Variants in MYBL1 observed in about 807,000 individuals in gnomAD.
MYBL1 encodes the protein myb-related protein A.
Under a neutral mutation model 96.3 loss-of-function variants are expected in MYBL1, and 17 were observed. The observed-to-expected ratio is 0.18, with a 90% CI of 0.12 to 0.26. The LOEUF (loss-of-function observed/expected upper bound fraction) is 0.26, where lower values mean the gene tolerates loss of function less well. Ranked by LOEUF, MYBL1 falls within the 10% of genes least tolerant of loss-of-function variation. The probability of loss-of-function intolerance (pLI) is 1.00; values close to 1 mark genes in which losing one functional copy is unlikely to be tolerated. For synonymous variants in MYBL1, 282 were observed against 292.7 expected, an observed-to-expected ratio of 0.96 and a Z score of 0.37; for missense variants, 701 against 882.9, an observed-to-expected ratio of 0.79 and a Z score of 2.61.
At chr8:66,581,927 T>C (rs1205754556) in intron 8 of MYBL1, among the ~76,000 whole-genome samples, 2 of 152,140 alleles carry the variant, frequency 1.3e-5, no homozygotes, top group Non-Finnish European at 2.9e-5. Context: ...TCATCACCAC[T>C]AGATCAGCCT....
rs1442266667 is a variant in MYBL1, at chr8:66,567,225, C to G, written c.1729-233G>C. On this transcript the variant is annotated intron_variant, in intron 12 of 15. Coordinates refer to ENST00000522677, the MANE Select transcript of MYBL1 (RefSeq NM_001080416.4). ...TCTAGGCTACTAAACAAAAATCTTC[C>G]TTTTGGGGAAACCACTGTAGCTCCT... Among the ~76,000 whole-genome samples, 8 of 152,248 alleles carry G rather than the reference C, an allele frequency of 5.3e-5. No individual in the cohort carries two copies. The South Asian group carries it at 1.4e-3, about 28-fold the overall frequency.
intron 3 of MYBL1, among the ~76,000 whole-genome samples, chr8:66,600,459 T>C (rs1054799045): frequency 1.1e-4 from 16 of 152,242 alleles, no homozygotes; most frequent in African/African-American, 3.4e-4. Context: ...TATGTCCTTG[T>C]AGCATTTCTG....
intron 12 of MYBL1, among the ~76,000 whole-genome samples, chr8:66,569,923 A>C (rs538489914): frequency 6.6e-6 from 1 of 152,348 alleles, no homozygotes; most frequent in Admixed American, 6.5e-5. Context: ...AAAGGGCAAC[A>C]GATATTTAAG....
intron 9 of MYBL1, among the ~76,000 whole-genome samples, chr8:66,577,030 C>A (rs552828071): frequency 6.6e-6 from 1 of 152,086 alleles, no homozygotes; most frequent in Non-Finnish European, 1.5e-5. Flanking sequence ...TTCAACAACC[C>A]TTCATGCTAA....
At chr8:66,605,677 A>G (rs916204551) in intron 1 of MYBL1, among the ~76,000 whole-genome samples, 5 of 152,006 alleles carry the variant, frequency 3.3e-5, no homozygotes, top group Non-Finnish European at 1.5e-5. Flanking sequence ...TTAGCGGAGC[A>G]TGATGGTGGG....
At chr8:66,573,852 G>T (rs533023372) in intron 10 of MYBL1, among the ~76,000 whole-genome samples, 37 of 152,272 alleles carry the variant, frequency 2.4e-4, no homozygotes, top group African/African-American at 8.9e-4. Flanking sequence ...TGTGTTAAAT[G>T]TAACAGTTTT....
At position 66,595,596 on chromosome 8, in the gene MYBL1, T is replaced by G. The variant is rs1809819328; in HGVS notation, c.674A>C (p.Tyr225Ser). 3 of 1,572,378 alleles carry G rather than the reference T, an allele frequency of 1.9e-6. No homozygotes were observed. Among genetic ancestry groups the G allele is most frequent in the Non-Finnish European group, 2.6e-6 (3 of 1,160,202 alleles). ...AAAAGTATGTGCCTGAACAGGTATG[T>G]AAAACTGATTCTGGGTTTGCATATG... ...MDHMQTQNQF[Y>S]IPVQIPGYQY... Residue 225 changes from tyrosine (Y) to serine (S), a missense_variant, in exon 6 of 16, where the codon TAC becomes TCC. By Grantham distance (144) the Tyr-to-Ser change is moderately radical (BLOSUM62 -2). Coordinates refer to ENST00000522677, the MANE Select transcript of MYBL1 (RefSeq NM_001080416.4).
At chr8:66,581,310 A>G (rs986669531) in intron 8 of MYBL1, among the ~76,000 whole-genome samples, 2 of 152,206 alleles carry the variant, frequency 1.3e-5, no homozygotes, top group African/African-American at 4.8e-5. Context: ...AATCTAAATC[A>G]AGCACCTCTC....
intron 4 of MYBL1, 117 bp from the exon 5 acceptor site, chr8:66,597,667 T>TA (rs199924475): frequency 0.011 from 7,311 of 658,176 alleles, 57 homozygotes; most frequent in Non-Finnish European, 0.012. Flanking sequence ...TACAATTTGT[T>TA]AAAAAAAAAT....
chr8:66,605,623 C>T (rs1810280865), intron 1 of MYBL1, among the ~76,000 whole-genome samples: 1 of 152,036 alleles, frequency 6.6e-6, no homozygotes, highest in Non-Finnish European at 1.5e-5. Flanking sequence ...GAGTTCAAGA[C>T]CAGCCTGGCC....
chr8:66,600,332 T>C (rs983093533), intron 3 of MYBL1, among the ~76,000 whole-genome samples: 8 of 152,248 alleles, frequency 5.3e-5, no homozygotes, highest in Admixed American at 4.6e-4. Context: ...ATGGCTCTTT[T>C]GCCCAATGTA....
Position 66,576,149 on chromosome 8 carries a change from G to A in MYBL1, c.1328C>T (p.Pro443Leu), listed in dbSNP as rs758837791. 10 of 1,613,952 alleles carry A rather than the reference G, an allele frequency of 6.2e-6. No homozygotes were observed. The highest frequency in any genetic ancestry group is 2.2e-5 in the South Asian group (2 of 91,078). ...TCTCTTCTTTCTGAGGATGGCTGGT[G>A]GAGTGCTAAACTTGGCTATATTTGG... ...TSPNIAKFSTPPAILRKKRKM... is the reference protein window; with the variant it reads ...TSPNIAKFSTLPAILRKKRKM... The change falls in exon 10 of 16, where the codon CCA becomes CTA. Residue 443 changes from proline to leucine, a missense_variant. Around this residue, in one of 5 missense-constraint regions of MYBL1, gnomAD observed 396 missense variants for 407.4 expected, o/e 0.97. Transcript: ENST00000522677.
chr8:66,579,293 T>C lies in MYBL1; in HGVS notation c.1101+840A>G, dbSNP rs564395071. Among the ~76,000 whole-genome samples, 278 of 151,798 alleles carry C rather than the reference T, an allele frequency of 1.8e-3. 1 individual carries two copies. The highest frequency in any genetic ancestry group is 3.3e-3 in the Non-Finnish European group (227 of 67,904). On this transcript the variant is annotated intron_variant, in intron 9 of 15. Transcript: ENST00000522677. ...AATGAAAAAGTAGACACTACCTAAATGTCCAATAATAATAGTTGGGTAAAT... is the reference window on the plus strand; with the variant it reads ...AATGAAAAAGTAGACACTACCTAAACGTCCAATAATAATAGTTGGGTAAAT...
intron 8 of MYBL1, among the ~76,000 whole-genome samples, chr8:66,580,768 C>G (rs1809175611): frequency 6.6e-6 from 1 of 152,152 alleles, no homozygotes; most frequent in African/African-American, 2.4e-5. Flanking sequence ...GAATTATATA[C>G]TCTTTTGACC....
chr8:66,601,784 C>A lies in MYBL1; in HGVS notation c.127-15G>T. On this transcript the variant is annotated splice_polypyrimidine_tract_variant and intron_variant, in intron 2 of 15. Transcript: ENST00000522677. ...AATTTATCATCCTATTAAAACAGTA[C>A]AAAAATTAGAAAGCTTTCCCCCCGT... is the stretch of plus-strand genomic sequence containing the variant. 1 of 1,410,846 alleles carries A rather than the reference C, an allele frequency of 7.1e-7. No individual in the cohort carries two copies. The highest frequency in any genetic ancestry group is 9.7e-7 in the Non-Finnish European group (1 of 1,030,024). 87.4% of individuals were successfully genotyped at this position (1,410,846 alleles called of 1,614,324 possible).
chr8:66,567,712 A>G lies in MYBL1; in HGVS notation c.1729-720T>C, dbSNP rs148657952. Among the ~76,000 whole-genome samples the G allele has an allele frequency of 2.3e-3, 356 of 152,324 alleles. 2 individuals are homozygous for G. The highest frequency in any genetic ancestry group is 8.2e-3 in the African/African-American group (341 of 41,572). On this transcript the variant is annotated intron_variant, in intron 12 of 15. Transcript: ENST00000522677. ...TTATATCTAACTTATACCTTTCATA[A>G]CCAAGATATACTTGAAAAGGTAATA...
chr8:66,562,453 G>T lies in MYBL1; in HGVS notation c.*2244C>A, dbSNP rs562063406. ...AAAGGTGACTTAAGATGCCTGACATGTTTAAGATAAAAAATCTTGCAAAAA... is the reference window on the plus strand; with the variant it reads ...AAAGGTGACTTAAGATGCCTGACATTTTTAAGATAAAAAATCTTGCAAAAA... On this transcript the variant is annotated 3_prime_UTR_variant, in exon 16 of 16. Coordinates refer to ENST00000522677, the MANE Select transcript of MYBL1 (RefSeq NM_001080416.4). The T allele has an allele frequency of 3.3e-5, 5 of 152,686 alleles. No homozygotes were observed. The highest frequency in any genetic ancestry group is 1.2e-4 in the African/African-American group (5 of 41,568). The allele number at this position is 152,686 out of a possible 1,614,324, so 9.5% of individuals were successfully genotyped here.
At chr8:66,596,429 A>T (rs995811847) in intron 5 of MYBL1, among the ~76,000 whole-genome samples, 3 of 152,318 alleles carry the variant, frequency 2.0e-5, no homozygotes, top group African/African-American at 7.2e-5. Flanking sequence ...CATAAAATAT[A>T]CACACATAAA....
intron 6 of MYBL1, 47 bp downstream of exon 6, chr8:66,595,536 C>A: frequency 1.6e-6 from 2 of 1,240,490 alleles, no homozygotes; most frequent in Non-Finnish European, 2.1e-6. Flanking sequence ...TCCCATATAG[C>A]AACTTAAGAA....
Sources: gnomAD v4.1 joint callset for allele counts (sites outside exome capture counted in the v4.1 genomes callset) on GRCh38, gnomAD v4.1.1 for gene constraint, gnomAD v4.1.1 regional missense constraint, MANE v1.5 for transcripts, NCBI Gene and HGNC (gene_info 2026-07-23, HGNC 2026-07-21) for gene names.